The following MTF1 variants were observed in gnomAD, a reference collection of about 807,000 sequenced individuals.
The protein encoded by MTF1 is MRE-binding transcription factor.
Under a neutral mutation model 70.4 loss-of-function variants are expected in MTF1, and 22 were observed. The ratio of observed to expected loss-of-function variants is 0.31; its 90% CI spans 0.22 to 0.45. The LOEUF is 0.45. Ranked by LOEUF, MTF1 falls within the 20% of genes least tolerant of loss-of-function variation. The pLI, the probability that MTF1 is intolerant of heterozygous loss-of-function variation, is 1.00. For synonymous variants in MTF1, 333 were observed against 352.8 expected, an observed-to-expected ratio of 0.94 and a Z score of 0.63; for missense variants, 649 against 922.0, an observed-to-expected ratio of 0.70 and a Z score of 3.83.
intron 5 of MTF1, among the ~76,000 whole-genome samples, 181 bp from the exon 6 acceptor site, chr1:37,835,396 T>C (rs1039430295): frequency 8.5e-5 from 13 of 152,174 alleles, no homozygotes; most frequent in African/African-American, 2.7e-4. Context: ...GAGCAAAGCA[T>C]TGGGAATGCC....
intron 9 of MTF1, among the ~76,000 whole-genome samples, chr1:37,820,579 G>GA (rs138751767): frequency 0.093 from 14,162 of 152,298 alleles, 852 homozygotes; most frequent in Middle Eastern, 0.24. Flanking sequence ...GCTATACAGA[G>GA]ATAGTAAAAA....
intron 6 of MTF1, among the ~76,000 whole-genome samples, chr1:37,833,705 C>T (rs1374204759): frequency 6.6e-6 from 1 of 151,998 alleles, no homozygotes; most frequent in Non-Finnish European, 1.5e-5. Context: ...AGAGTAAGGG[C>T]AGTAGGGAAC....
At chr1:37,830,828 AC>A (rs1160109735) in intron 7 of MTF1, among the ~76,000 whole-genome samples, 1 of 152,128 alleles carries the variant, frequency 6.6e-6, no homozygotes, top group Non-Finnish European at 1.5e-5. Flanking sequence ...TCTATCCCAC[AC>A]ATCCATGGCG....
intron 2 of MTF1, among the ~76,000 whole-genome samples, chr1:37,842,921 T>A (rs1641276880): frequency 1.3e-5 from 2 of 152,052 alleles, no homozygotes; most frequent in Non-Finnish European, 2.9e-5. Flanking sequence ...ACTACTGGGG[T>A]CAGGGTCCGG....
rs1192928387 is a variant in MTF1 at position 37,822,699 on chromosome 1, A to T, written c.1189T>A (p.Phe397Ile). Residue 397 changes from phenylalanine (F) to isoleucine (I), a missense_variant, in exon 9 of 11, where the codon TTT (phenylalanine) becomes ATT (isoleucine). Phe to Ile is a conservative substitution (Grantham distance 21). Around this residue, in one of 7 missense-constraint regions of MTF1, gnomAD observed 267 missense variants for 292.1 expected, o/e 0.91. Coordinates refer to ENST00000373036, the MANE Select transcript of MTF1 (RefSeq NM_005955.3). ...CTGACTGACTCTGCATCACCATTAA[A>T]ACTTTCAGTCAAGGAAGCTGGCAAG... is the stretch of plus-strand genomic sequence containing the variant. ...PQQTASLTESFNGDAESVSDV... is the reference protein window; with the variant it reads ...PQQTASLTESINGDAESVSDV... 4 of 1,610,018 alleles carry T rather than the reference A, an allele frequency of 2.5e-6. No individual in the cohort carries two copies. The highest frequency in any genetic ancestry group is 3.4e-6 in the Non-Finnish European group (4 of 1,177,434).
At position 37,813,665 on chromosome 1, in the gene MTF1, G is replaced by A. The variant is rs1448823307; in HGVS notation, c.*1471C>T. 3 of 152,308 alleles carry A rather than the reference G, an allele frequency of 2.0e-5. No individual in the cohort carries two copies. The highest frequency in any genetic ancestry group is 4.1e-4 in the South Asian group (2 of 4,834). The allele number at this position is 152,308 out of a possible 1,614,324, so 9.4% of individuals were successfully genotyped here. A position where few individuals can be genotyped will look rare whatever the true frequency, so the allele number is the denominator to read the frequency against. On this transcript the variant is annotated 3_prime_UTR_variant, in exon 11 of 11. Transcript: ENST00000373036. ...CAGGGCAAGGAAAGGGCTCTTGGGA[G>A]GCAGAGGCCTATTCTGCACCTCAGG... is the stretch of plus-strand genomic sequence containing the variant.
At chr1:37,851,144 C>A (rs1641413541) in intron 2 of MTF1, among the ~76,000 whole-genome samples, 1 of 152,166 alleles carries the variant, frequency 6.6e-6, no homozygotes, top group African/African-American at 2.4e-5. Flanking sequence ...AATGTCTGGT[C>A]ATTAAGCAAG....
chr1:37,833,258 T>G (rs1400337725), intron 6 of MTF1, among the ~76,000 whole-genome samples: 1 of 152,166 alleles, frequency 6.6e-6, no homozygotes, highest in Non-Finnish European at 1.5e-5. Flanking sequence ...ATCAGAAAAC[T>G]GATGCTCAGA....
chr1:37,819,887 G>A lies in MTF1; in HGVS notation c.1767+2234C>T, dbSNP rs959496378. ...GAATCGCTTGAAGCCAGGAGGCGGAGGTTGCAGTGAGCCAAAACTGCACCA... is the reference window on the plus strand; with the variant it reads ...GAATCGCTTGAAGCCAGGAGGCGGAAGTTGCAGTGAGCCAAAACTGCACCA... On this transcript the variant is annotated intron_variant, in intron 9 of 10. Coordinates refer to ENST00000373036, the MANE Select transcript of MTF1 (RefSeq NM_005955.3). Among the ~76,000 whole-genome samples the A allele has an allele frequency of 2.8e-5, 4 of 143,870 alleles. 1 individual carries two copies. The highest frequency in any genetic ancestry group is 6.1e-5 in the Non-Finnish European group (4 of 66,058). 94.4% of individuals were successfully genotyped at this position (143,870 alleles called of 152,430 possible).
In MTF1 at chr1:37,839,988, C is replaced by T. The variant is rs747276058; in HGVS notation, c.579G>A (p.Val193=). 7 of 1,614,122 alleles carry T rather than the reference C, an allele frequency of 4.3e-6. No homozygotes were observed. In the African/African-American group the frequency reaches 8.0e-5, roughly 18 times the overall value. ...ACTCAAATGGCTTCTCCTTCGTGTG[C>T]ACTCGCACGTGGATCCTGAGGCTGT... ...TSYSLRIHVR[V]HTKEKPFECD... The change falls in exon 3 of 11, where the codon GTG becomes GTA. Residue 193 remains valine, a synonymous_variant. Coordinates refer to ENST00000373036, the MANE Select transcript of MTF1 (RefSeq NM_005955.3).
At chr1:37,855,622 G>A (rs964086868) in intron 2 of MTF1, among the ~76,000 whole-genome samples, 8 of 152,194 alleles carry the variant, frequency 5.3e-5, no homozygotes, top group Non-Finnish European at 4.4e-5. Context: ...CCTTGGTACT[G>A]TAACTACTAG....
intron 2 of MTF1, among the ~76,000 whole-genome samples, chr1:37,855,270 C>G (rs573292953): frequency 1.3e-5 from 2 of 152,074 alleles, no homozygotes; most frequent in Non-Finnish European, 2.9e-5. Flanking sequence ...AGATCTAGAA[C>G]CAGTGGGCAG....
intron 2 of MTF1, among the ~76,000 whole-genome samples, chr1:37,843,336 A>G (rs1641284622): frequency 6.6e-6 from 1 of 152,060 alleles, no homozygotes; most frequent in African/African-American, 2.4e-5. Flanking sequence ...GTTCTTGAAC[A>G]TATTTGGAGG....
chr1:37,816,243 T>C (rs535109937), intron 10 of MTF1, among the ~76,000 whole-genome samples: 3 of 152,308 alleles, frequency 2.0e-5, no homozygotes, highest in Non-Finnish European at 2.9e-5. Context: ...TAAAGACCAA[T>C]GGGCAGGATG....
At position 37,814,429 on chromosome 1, in the gene MTF1, A is replaced by G. The variant is rs1464665118; in HGVS notation, c.*707T>C. ...CTAGAGCCTGCTTTGCACACACGTC[A>G]TCAACAGACAGCAGTCAACAAGCTG... On this transcript the variant is annotated 3_prime_UTR_variant, in exon 11 of 11. Transcript: ENST00000373036. 1.3e-5 allele frequency: 2 copies of G among 152,402 alleles called. No individual in the cohort carries two copies. Among genetic ancestry groups the G allele is most frequent in the African/African-American group, 4.8e-5 (2 of 41,432 alleles). The allele number at this position is 152,402 out of a possible 1,614,324, so 9.4% of individuals were successfully genotyped here.
At chr1:37,848,839 T>A (rs1641371959) in intron 2 of MTF1, among the ~76,000 whole-genome samples, 1 of 152,232 alleles carries the variant, frequency 6.6e-6, no homozygotes, top group African/African-American at 2.4e-5. Flanking sequence ...GTAATCACAG[T>A]ATGCAAAGAC....
In MTF1 at chr1:37,857,485, C is replaced by T. The variant is rs199553408; in HGVS notation, c.174G>A (p.Leu58=). 2.7e-5 allele frequency: 44 copies of T among 1,614,216 alleles called. No homozygotes were observed. The East Asian group carries it at 3.1e-4, about 11-fold the overall frequency. Residue 58 remains leucine (L), a synonymous_variant, in exon 2 of 11, where the codon TTG becomes TTA. Transcript: ENST00000373036. ...TVLIEQDPGT[L]EDEDDDGQCG... Reference sequence around the variant, plus strand: ...ACTGTCCGTCGTCATCTTCATCCTCCAAAGTGCCAGGGTCCTGCTCAATAA... The same window carrying T: ...ACTGTCCGTCGTCATCTTCATCCTCTAAAGTGCCAGGGTCCTGCTCAATAA...
intron 1 of MTF1, among the ~76,000 whole-genome samples, chr1:37,857,961 G>A (rs748834191): frequency 1.7e-4 from 25 of 150,096 alleles, no homozygotes; most frequent in Non-Finnish European, 2.8e-4. Context: ...AGGATCGCTT[G>A]AGGCCAGGAG....
intron 9 of MTF1, 116 bp from the exon 10 acceptor site, chr1:37,817,598 C>A: frequency 1.3e-6 from 1 of 756,774 alleles, no homozygotes; most frequent in Admixed American, 2.1e-5. Context: ...CCTTAGTGTT[C>A]AGGGATTTTT....
Sources: allele counts gnomAD v4.1 joint callset (sites outside exome capture counted in the v4.1 genomes callset), GRCh38; gene constraint gnomAD v4.1.1; regional missense constraint gnomAD v4.1.1; transcripts MANE v1.5; gene names NCBI Gene and HGNC (gene_info 2026-07-23, HGNC 2026-07-21).